The following TRPM1 variants were observed in gnomAD, a reference collection of about 807,000 sequenced individuals.
TRPM1 encodes transient receptor potential cation channel subfamily M member 1.
TRPM1 carries 113 observed loss-of-function variants against 149.4 expected under a neutral mutation model. That is an observed-to-expected ratio of 0.76 (90% CI 0.65 to 0.88). The LOEUF is 0.88. Among genes scored for constraint, TRPM1 ranks in the 40% least tolerant of loss-of-function variants. The pLI is 0.00. For missense variants in TRPM1, 1,976 were observed against 2,038.7 expected (o/e 0.97, Z 0.59); for synonymous variants, 741 against 759.5 (o/e 0.98, Z 0.40).
chr15:31,066,006 T>G, intron 7 of TRPM1, 70 bp downstream of exon 7: 1 of 1,557,536 alleles, frequency 6.4e-7, no homozygotes. Flanking sequence ...GCAATCAATC[T>G]CCTTCTCAGC....
intron 2 of TRPM1, 108 bp from the exon 3 acceptor site, chr15:31,077,092 A>T: frequency 1.3e-6 from 1 of 741,806 alleles, no homozygotes; most frequent in Non-Finnish European, 2.4e-6. Flanking sequence ...ACATCTGAAT[A>T]GTCATCTGCA....
At position 31,047,245 on chromosome 15, in the gene TRPM1, G is replaced by A. The variant is rs1555422349; in HGVS notation, c.1630C>T (p.Leu544Phe). ...LLVRDVKKSN[L>F]PPDYHISLID... is the part of the protein sequence containing the mutation. Reference sequence around the variant, plus strand: ...AGGCTGATGTGGTAATCAGGCGGAAGGTTGCTCTGTAAAAGAAGTCTGGTC... The same window carrying A: ...AGGCTGATGTGGTAATCAGGCGGAAAGTTGCTCTGTAAAAGAAGTCTGGTC... Residue 544 changes from leucine (L) to phenylalanine (F), a missense_variant, in exon 15 of 28, where the codon CTT becomes TTT. Leu to Phe is a conservative substitution (Grantham distance 22). Around this residue, in one of 3 missense-constraint regions of TRPM1, gnomAD observed 1,332 missense variants for 1,347.1 expected, o/e 0.99. Transcript: ENST00000256552. 1 of 1,614,234 alleles carries A rather than the reference G, an allele frequency of 6.2e-7. No homozygotes were observed. Among genetic ancestry groups the A allele is most frequent in the Non-Finnish European group, 8.5e-7 (1 of 1,180,042 alleles).
At chr15:31,113,576 C>G (rs1304527538) in intron 1 of TRPM1, among the ~76,000 whole-genome samples, 1 of 152,060 alleles carries the variant, frequency 6.6e-6, no homozygotes, top group African/African-American at 2.4e-5. Context: ...TTTAGGTTCC[C>G]CCATACAACT....
intron 1 of TRPM1, among the ~76,000 whole-genome samples, chr15:31,124,023 G>C (rs1159735589): frequency 6.6e-6 from 1 of 152,172 alleles, no homozygotes; most frequent in Non-Finnish European, 1.5e-5. Flanking sequence ...TCGGGGCTGG[G>C]TGTGGTACCC....
At position 31,040,358 on chromosome 15, in the gene TRPM1, G is replaced by C. The variant is rs765521500; in HGVS notation, c.2088-12C>G. 3.7e-6 allele frequency: 6 copies of C among 1,613,102 alleles called. No homozygotes were observed. Among genetic ancestry groups the C allele is most frequent in the African/African-American group, 1.3e-5 (1 of 75,030 alleles). On this transcript the variant is annotated splice_polypyrimidine_tract_variant and intron_variant, in intron 17 of 27. Transcript: ENST00000256552. The surrounding 1 kb of genome is among the most constrained non-coding windows in gnomAD (Gnocchi z 4.2). ...GCTGGCCGAAGTCTCTGGGGGGAAA[G>C]AGAAGGGACCAGGGTGAAGCCACAG...
rs776260376 is a variant in TRPM1, at chr15:31,040,129, G to C, written c.2305C>G (p.Pro769Ala). Residue 769 changes from proline (P) to alanine (A), a missense_variant, in exon 18 of 28, where the codon CCC (proline) becomes GCC (alanine). Pro to Ala is a conservative substitution (Grantham distance 27). Coordinates refer to ENST00000256552, the MANE Select transcript of TRPM1 (RefSeq NM_001252024.2). The surrounding 1 kb of genome is among the most constrained non-coding windows in gnomAD (Gnocchi z 4.2). ...CACGTTGCACGCACCTTCAGGCCGG[G>C]GTTCTTCCGCATCCGCAGTCTTCCC... ...WMGRLRMRKN[P>A]GLKVIMGILL... The C allele has an allele frequency of 6.2e-7, 1 of 1,614,104 alleles. No individual in the cohort carries two copies. Among genetic ancestry groups the C allele is most frequent in the Non-Finnish European group, 8.5e-7 (1 of 1,180,050 alleles).
intron 26 of TRPM1, among the ~76,000 whole-genome samples, chr15:31,026,618 G>T (rs1595987637): frequency 6.6e-6 from 1 of 152,134 alleles, no homozygotes; most frequent in African/African-American, 2.4e-5. Flanking sequence ...AACAAATTAA[G>T]ACGTTTTGAA....
chr15:31,105,460 T>TGCGC (rs2035591169), upstream of TRPM1, among the ~76,000 whole-genome samples: 2 of 68,378 alleles, frequency 2.9e-5, no homozygotes, highest in Non-Finnish European at 7.0e-5. Flanking sequence ...TGTGTGTGTG[T>TGCGC]GTGTGTGTGT....
At chr15:31,082,235 C>T (rs1237635196) in intron 1 of TRPM1, among the ~76,000 whole-genome samples, 15 of 152,180 alleles carry the variant, frequency 9.9e-5, no homozygotes, top group Non-Finnish European at 2.2e-4. Flanking sequence ...TCCAGTCCAT[C>T]AGAAATGGTT....
intron 16 of TRPM1, among the ~76,000 whole-genome samples, chr15:31,043,553 A>G (rs926701979): frequency 2.6e-5 from 4 of 152,182 alleles, no homozygotes; most frequent in Non-Finnish European, 5.9e-5. Context: ...TGGAAAATAT[A>G]GTATCTTGAC....
At chr15:31,156,925 C>CATTT (rs1309018781) in intron 1 of TRPM1, among the ~76,000 whole-genome samples, 2 of 113,860 alleles carry the variant, frequency 1.8e-5, no homozygotes, top group African/African-American at 6.3e-5. Flanking sequence ...AGTGTACTTA[C>CATTT]ATTTATTTTT....
intron 20 of TRPM1, among the ~76,000 whole-genome samples, chr15:31,037,377 A>G (rs1297022904): frequency 6.6e-6 from 1 of 152,252 alleles, no homozygotes; most frequent in Non-Finnish European, 1.5e-5. Context: ...TTAAATCACT[A>G]GTCATCTCTG....
At chr15:31,158,437 C>T (rs982772737) in intron 1 of TRPM1, among the ~76,000 whole-genome samples, 3 of 151,960 alleles carry the variant, frequency 2.0e-5, no homozygotes, top group African/African-American at 7.3e-5. Context: ...ACCATCCTGG[C>T]TAACACAGTG....
chr15:31,018,538 T>C (rs1262222472), intron 27 of TRPM1, among the ~76,000 whole-genome samples: 4 of 151,136 alleles, frequency 2.6e-5, no homozygotes, highest in Non-Finnish European at 5.9e-5. Flanking sequence ...CATGCCCAGC[T>C]AATTTTTTGT....
rs36072024 is a variant in TRPM1, at chr15:31,109,333, C to CAAA, written c.55-32352_55-32350dup. 1.4e-3 allele frequency among the ~76,000 whole-genome samples: 45 copies of CAAA among 32,294 alleles called. 5 individuals carry two copies. Among genetic ancestry groups the CAAA allele is most frequent in the South Asian group, 2.3e-3 (1 of 430 alleles). 21.2% of individuals were successfully genotyped at this position (32,294 alleles called of 152,430 possible). ...TGGGCAACAGAGTGAGACTCTGCCT[C>CAAA]AAAAAAAAAAAAAAAAAAAAAAAAA... On this transcript the variant is annotated intron_variant, in intron 1 of 26. Coordinates refer to the TRPM1 transcript ENST00000542188.
At chr15:31,085,917 C>T (rs992886497) in intron 1 of TRPM1, among the ~76,000 whole-genome samples, 5 of 152,148 alleles carry the variant, frequency 3.3e-5, no homozygotes, top group African/African-American at 9.7e-5. Flanking sequence ...ACAGGCCTCA[C>T]GCTTAGAGAA....
chr15:31,003,181 TG>T, intron 27 of TRPM1, 111 bp from the exon 28 acceptor site: 1 of 935,114 alleles, frequency 1.1e-6, no homozygotes, highest in South Asian at 1.8e-5. Flanking sequence ...CATATGGAAC[TG>T]TTTGAGTATA....
chr15:31,105,644 C>G (rs1417807208), upstream of TRPM1, among the ~76,000 whole-genome samples: 1 of 152,178 alleles, frequency 6.6e-6, no homozygotes, highest in Non-Finnish European at 1.5e-5. Flanking sequence ...TTTGCTTTAT[C>G]CTGAATATAG....
intron 1 of TRPM1, among the ~76,000 whole-genome samples, chr15:31,088,746 G>A (rs746250960): frequency 2.0e-5 from 3 of 149,854 alleles, no homozygotes; most frequent in Non-Finnish European, 3.0e-5. Context: ...TCGTCTTCCT[G>A]CTACCTGTGG....
Sources: allele counts gnomAD v4.1 joint callset (sites outside exome capture counted in the v4.1 genomes callset), GRCh38; gene constraint gnomAD v4.1.1; regional missense constraint gnomAD v4.1.1; non-coding constraint Gnocchi (gnomAD v3.1); transcripts MANE v1.5; gene names NCBI Gene and HGNC (gene_info 2026-07-23, HGNC 2026-07-21).